MROH7: variants seen among roughly 807,000 people sequenced by gnomAD.
The protein encoded by MROH7 is maestro heat-like repeat-containing protein family member 7.
MROH7 carries 113 observed loss-of-function variants against 129.2 expected under a neutral mutation model. The observed-to-expected ratio is 0.87, with a 90% CI of 0.75 to 1.02. MROH7 has a LOEUF of 1.02. MROH7 is among the 50% of genes least tolerant of loss of function. The probability of loss-of-function intolerance (pLI) is 0.00; values close to 1 mark genes in which losing one functional copy is unlikely to be tolerated. For synonymous variants in MROH7, 655 were observed against 667.9 expected, an observed-to-expected ratio of 0.98 and a Z score of 0.30; for missense variants, 1,601 against 1,671.3, an observed-to-expected ratio of 0.96 and a Z score of 0.73.
In MROH7 at chr1:54,668,882, G is replaced by A. The variant is rs747802963; in HGVS notation, c.1334G>A (p.Ser445Asn). The A allele has an allele frequency of 3.1e-6, 5 of 1,613,952 alleles. No individual in the cohort carries two copies. The highest frequency in any genetic ancestry group is 4.2e-6 in the Non-Finnish European group (5 of 1,179,922). The change falls in exon 5 of 24, where the codon AGC becomes AAC. Residue 445 changes from serine to asparagine, a missense_variant. Physicochemically the swap from Ser to Asn is conservative, Grantham distance 46. Coordinates refer to ENST00000421030, the MANE Select transcript of MROH7 (RefSeq NM_001039464.4). ...LVENVTTLQK[S>N]QDLLEAEGEK... is the part of the protein sequence containing the mutation. ...GAGAATGTCACCACCCTTCAGAAGA[G>A]CCAGGATCTGCTGGAGGCAGAAGGA...
At chr1:54,696,027 A>G (rs1645316601) in intron 17 of MROH7, among the ~76,000 whole-genome samples, 1 of 152,134 alleles carries the variant, frequency 6.6e-6, no homozygotes, top group South Asian at 2.1e-4. Context: ...GTGGGGACAG[A>G]CCCAGAAGAG....
chr1:54,707,258 C>T (rs1334341155), intron 22 of MROH7, among the ~76,000 whole-genome samples: 1 of 152,206 alleles, frequency 6.6e-6, no homozygotes, highest in African/African-American at 2.4e-5. Context: ...CTCCAAATAA[C>T]CACATGCCCT....
At chr1:54,654,686 A>AG (rs1028943295) in intron 3 of MROH7, among the ~76,000 whole-genome samples, 1 of 151,960 alleles carries the variant, frequency 6.6e-6, no homozygotes, top group Non-Finnish European at 1.5e-5. Flanking sequence ...AAAAGAAAAA[A>AG]AAATCACTGT....
chr1:54,695,544 A>T lies in MROH7; in HGVS notation c.2964+54A>T, dbSNP rs755170173. The stretch of plus-strand genomic sequence containing the variant: ...GGGAGCTCCTCCCGGGCCTCGGTTC[A>T]CGTCACTGGTCATTTCTCCTATGTA... On this transcript the variant is annotated intron_variant, in intron 17 of 23. Coordinates refer to ENST00000421030, the MANE Select transcript of MROH7 (RefSeq NM_001039464.4). 4 of 1,098,210 alleles carry T rather than the reference A, an allele frequency of 3.6e-6. No individual in the cohort carries two copies. The South Asian group carries it at 5.2e-5, about 14-fold the overall frequency. The allele number at this position is 1,098,210 out of a possible 1,614,324, so 68.0% of individuals were successfully genotyped here. A position where few individuals can be genotyped will look rare whatever the true frequency, so the allele number is the denominator to read the frequency against.
intron 3 of MROH7, among the ~76,000 whole-genome samples, chr1:54,658,200 A>G (rs575501946): frequency 6.6e-6 from 1 of 152,136 alleles, no homozygotes; most frequent in Admixed American, 6.5e-5. Flanking sequence ...TTGCATGTGG[A>G]TATCCAGTTT....
intron 21 of MROH7, among the ~76,000 whole-genome samples, chr1:54,705,917 C>T (rs1645525676): frequency 1.3e-5 from 2 of 152,208 alleles, no homozygotes; most frequent in African/African-American, 4.8e-5. Flanking sequence ...CCACTTTCTA[C>T]CTGTCAAAGC....
At chr1:54,685,682 C>T (rs943723159) in intron 14 of MROH7, among the ~76,000 whole-genome samples, 1 of 152,174 alleles carries the variant, frequency 6.6e-6, no homozygotes, top group Non-Finnish European at 1.5e-5. Flanking sequence ...TTGAGCCATG[C>T]TCTTGCTCAA....
In MROH7 at chr1:54,673,095, TTTA is replaced by T; in HGVS notation, c.1605_1607del (p.Tyr536del). On this transcript the variant is annotated inframe_deletion, in exon 8 of 24. Transcript: ENST00000421030. ...TGGTCCTCCTCCCATCCACAGGCTC[TTTA>T]CCATCAGACCCTGGAGGCCCTGCAG... 6.2e-7 allele frequency: 1 copy of T among 1,613,428 alleles called. No homozygotes were observed. The highest frequency in any genetic ancestry group is 8.5e-7 in the Non-Finnish European group (1 of 1,179,500).
intron 18 of MROH7, 113 bp from the exon 19 acceptor site, chr1:54,701,030 G>T: frequency 8.5e-7 from 1 of 1,175,470 alleles, no homozygotes; most frequent in South Asian, 1.4e-5. Flanking sequence ...ATAGGCCAAG[G>T]CCTGGAAGTG....
intron 22 of MROH7, 108 bp downstream of exon 22, chr1:54,706,645 T>C (rs1463572256): frequency 1.0e-5 from 8 of 794,548 alleles, no homozygotes; most frequent in South Asian, 1.5e-5. Flanking sequence ...ATGCTTCCCT[T>C]TGGGTGCAAG....
chr1:54,697,013 A>G (rs971490841), intron 17 of MROH7, among the ~76,000 whole-genome samples: 3 of 152,120 alleles, frequency 2.0e-5, no homozygotes, highest in African/African-American at 7.2e-5. Context: ...ATTTCATTGC[A>G]TGTACATACC....
chr1:54,662,502 A>G (rs539468314), intron 3 of MROH7, among the ~76,000 whole-genome samples: 146 of 151,944 alleles, frequency 9.6e-4, no homozygotes, highest in African/African-American at 3.4e-3. Context: ...GCGCCACTGC[A>G]CTCCAGCCTA....
At chr1:54,696,357 A>T (rs72907955) in intron 17 of MROH7, among the ~76,000 whole-genome samples, 2,315 of 152,274 alleles carry the variant, frequency 0.015, 50 homozygotes, top group African/African-American at 0.054. Flanking sequence ...TAACCATTTT[A>T]GGTGTACAGT....
At chr1:54,662,506 C>T (rs963374669) in intron 3 of MROH7, among the ~76,000 whole-genome samples, 5 of 151,754 alleles carry the variant, frequency 3.3e-5, no homozygotes, top group Non-Finnish European at 1.5e-5. Flanking sequence ...CACTGCACTC[C>T]AGCCTAAGCA....
intron 1 of MROH7, 139 bp from the exon 2 acceptor site, chr1:54,651,810 C>CTCTCTGTGTGTGTG (rs148778686): frequency 1.4e-5 from 2 of 141,526 alleles, no homozygotes; most frequent in Admixed American, 7.2e-5. Context: ...CTCTCTCTCT[C>CTCTCTGTGTGTGTG]TGTGTGTGTG....
intron 17 of MROH7, chr1:54,699,706 C>G (rs927410004): frequency 1.4e-5 from 3 of 218,836 alleles, no homozygotes; most frequent in Middle Eastern, 1.6e-3. Context: ...AGGAACAACT[C>G]GGGTTTTGTC....
At chr1:54,643,847 G>A (rs1644423239) in intron 1 of MROH7, among the ~76,000 whole-genome samples, 1 of 152,120 alleles carries the variant, frequency 6.6e-6, no homozygotes, top group Non-Finnish European at 1.5e-5. Flanking sequence ...AGAATGTGTG[G>A]TTGAGAATTT....
chr1:54,682,786 C>T lies in MROH7; in HGVS notation c.2512C>T (p.Pro838Ser), dbSNP rs368360289. The T allele has an allele frequency of 8.9e-5, 144 of 1,611,598 alleles. 2 individuals are homozygous for T. In the South Asian group the frequency reaches 1.5e-3, roughly 16 times the overall value. Residue 838 changes from proline (P) to serine (S), a missense_variant, in exon 14 of 24, where the codon CCC (proline) becomes TCC (serine). Coordinates refer to ENST00000421030, the MANE Select transcript of MROH7 (RefSeq NM_001039464.4). ...VTKEGRASIV[P>S]LAAASGLCEL... ...CAAGGAGGGCCGGGCTTCCATCGTG[C>T]CCCTGGCGGTGAGCACCCAGTCAGC...
At chr1:54,667,194 A>C (rs1006551754) in intron 4 of MROH7, among the ~76,000 whole-genome samples, 2 of 152,212 alleles carry the variant, frequency 1.3e-5, no homozygotes, top group Admixed American at 6.5e-5. Context: ...TTTAGGACTC[A>C]GCCCAGGTGT....
Sources: allele counts gnomAD v4.1 joint callset (sites outside exome capture counted in the v4.1 genomes callset), GRCh38; gene constraint gnomAD v4.1.1; transcripts MANE v1.5; gene names NCBI Gene and HGNC (gene_info 2026-07-23, HGNC 2026-07-21).